CFAP36: variants seen among roughly 807,000 people sequenced by gnomAD.
The protein encoded by CFAP36 is cilia and flagella associated protein 36.
CFAP36 carries 37 observed loss-of-function variants against 50.5 expected under a neutral mutation model. The observed-to-expected ratio is 0.73, with a 90% CI of 0.56 to 0.96. CFAP36 has a LOEUF of 0.96. Ranked by LOEUF, CFAP36 falls within the 50% of genes least tolerant of loss-of-function variation. CFAP36 has a pLI of 0.00. For synonymous variants in CFAP36, 138 were observed against 128.2 expected (o/e 1.08, Z -0.52); for missense variants, 407 against 396.2 (o/e 1.03, Z -0.23).
chr2:55,527,980 G>A (rs1353511495), intron 3 of CFAP36, among the ~76,000 whole-genome samples: 1 of 151,766 alleles, frequency 6.6e-6, no homozygotes, highest in Non-Finnish European at 1.5e-5. Flanking sequence ...GACAAGCCTG[G>A]GCAACATGGT....
chr2:55,538,735 A>G (rs1032853800), intron 7 of CFAP36: 13 of 1,495,318 alleles, frequency 8.7e-6, no homozygotes, highest in Non-Finnish European at 1.2e-5. Context: ...GAGCCACTGT[A>G]CCCATCCCTT....
intron 5 of CFAP36, among the ~76,000 whole-genome samples, chr2:55,534,356 C>T (rs1029228100): frequency 2.0e-5 from 3 of 152,170 alleles, no homozygotes; most frequent in Non-Finnish European, 2.9e-5. Flanking sequence ...GGAGGCTGGG[C>T]ATCCAGATTC....
chr2:55,536,016 A>T, intron 6 of CFAP36: 1 of 627,850 alleles, frequency 1.6e-6, no homozygotes, highest in Non-Finnish European at 2.3e-6. Flanking sequence ...AATTAATCTT[A>T]CAGGACATGC....
intron 4 of CFAP36, among the ~76,000 whole-genome samples, chr2:55,532,085 C>G (rs1043397073): frequency 6.6e-6 from 1 of 152,038 alleles, no homozygotes; most frequent in Non-Finnish European, 1.5e-5. Flanking sequence ...CCAGTGCTTT[C>G]AGAGGCTGAG....
intron 7 of CFAP36, chr2:55,538,806 T>A: frequency 6.5e-7 from 1 of 1,543,510 alleles, no homozygotes; most frequent in Non-Finnish European, 8.7e-7. Flanking sequence ...ATCACCGAAC[T>A]CTTCAATGGT....
chr2:55,525,412 A>T (rs892788045), intron 3 of CFAP36, among the ~76,000 whole-genome samples: 2 of 151,952 alleles, frequency 1.3e-5, no homozygotes, highest in African/African-American at 4.8e-5. Flanking sequence ...AGACAAGATC[A>T]TGCCACTGTA....
chr2:55,540,433 GCTCT>G lies in CFAP36; in HGVS notation c.640+2851_640+2854del, dbSNP rs200745123. On this transcript the variant is annotated intron_variant, in intron 7 of 9. Transcript: ENST00000349456. ...TATATTTATGTGAGTTTATTTCTGG[GCTCT>G]CTATTATGTTCTGTTGATCTATTTC... Among the ~76,000 whole-genome samples the G allele has an allele frequency of 5.3e-3, 805 of 152,052 alleles. 4 individuals are homozygous for G. The highest frequency in any genetic ancestry group is 6.0e-3 in the Admixed American group (92 of 15,280).
chr2:55,523,647 C>A, intron 2 of CFAP36, 74 bp from the exon 3 acceptor site: 1 of 930,442 alleles, frequency 1.1e-6, no homozygotes, highest in Non-Finnish European at 1.6e-6. Context: ...CTTTTCTAAA[C>A]TAAATACTTA....
At chr2:55,531,037 C>A (rs1684339337) in intron 4 of CFAP36, 1 of 152,326 alleles carries the variant, frequency 6.6e-6, no homozygotes, top group South Asian at 2.1e-4. Flanking sequence ...CCATCATAAT[C>A]ATCTACTAGA....
chr2:55,525,632 C>CTTTTTTTTTTTTTTTTTTTT (rs35228412), intron 3 of CFAP36, among the ~76,000 whole-genome samples: 1 of 149,930 alleles, frequency 6.7e-6, no homozygotes. Flanking sequence ...AACTTGCTCT[C>CTTTTTTTTTTTTTTTTTTTT]TTTTTTTTTT....
At chr2:55,521,625 AT>A (rs1457052177) in intron 1 of CFAP36, among the ~76,000 whole-genome samples, 4 of 128,222 alleles carry the variant, frequency 3.1e-5, no homozygotes, top group Non-Finnish European at 3.3e-5. Context: ...GTGTGTGTAT[AT>A]TTTTTTTTCT....
rs139181208 is a variant in CFAP36 at position 55,532,107 on chromosome 2, G to A, written c.398-1766G>A. 5.3e-5 allele frequency among the ~76,000 whole-genome samples: 8 copies of A among 152,018 alleles called. No individual in the cohort carries two copies. The East Asian group carries it at 7.7e-4, about 15-fold the overall frequency. On this transcript the variant is annotated intron_variant, in intron 4 of 9. Coordinates refer to ENST00000349456, the MANE Select transcript of CFAP36 (RefSeq NM_080667.7). ...TTTCAGAGGCTGAGGCAGGAGGATC[G>A]CTTAAGCCCAGCCTCAGACTTCTGT... is the stretch of plus-strand genomic sequence containing the variant.
intron 4 of CFAP36, among the ~76,000 whole-genome samples, chr2:55,532,166 C>T (rs12999680): frequency 0.22 from 32,936 of 150,008 alleles, 3,700 homozygotes; most frequent in East Asian, 0.34. Context: ...AGTACCACTG[C>T]GTGCCAGCCT....
Position 55,537,534 on chromosome 2 carries a change from A to G in CFAP36, c.589A>G (p.Ile197Val), listed in dbSNP as rs1684520956. ...CACAGTGCATTCCAGTGAAGCTGCA[A>G]TAATGAATAATTCCCAAGGGGATGG... Reference protein sequence around the residue: ...EPTVHSSEAAIMNNSQGDGEH... With the variant: ...EPTVHSSEAAVMNNSQGDGEH... The change falls in exon 7 of 10, where the codon ATA becomes GTA. Residue 197 changes from isoleucine (I) to valine (V), a missense_variant. Physicochemically the swap from Ile to Val is conservative, Grantham distance 29 (BLOSUM62 3). Coordinates refer to ENST00000349456, the MANE Select transcript of CFAP36 (RefSeq NM_080667.7). 6.2e-7 allele frequency: 1 copy of G among 1,613,956 alleles called. No homozygotes were observed. Among genetic ancestry groups the G allele is most frequent in the South Asian group, 1.1e-5 (1 of 91,012 alleles).
intron 2 of CFAP36, among the ~76,000 whole-genome samples, chr2:55,523,334 G>C (rs1574611649): frequency 6.6e-6 from 1 of 151,818 alleles, no homozygotes; most frequent in South Asian, 2.1e-4. Flanking sequence ...AGAATTGCTT[G>C]AGCCTGGGAG....
intron 5 of CFAP36, among the ~76,000 whole-genome samples, chr2:55,534,571 C>T (rs1574621238): frequency 6.6e-6 from 1 of 152,274 alleles, no homozygotes; most frequent in East Asian, 1.9e-4. Context: ...TCTTTTGGGC[C>T]TGTTGTGCCC....
intron 8 of CFAP36, 66 bp from the exon 9 acceptor site, chr2:55,544,154 G>A (rs1243290075): frequency 1.1e-5 from 17 of 1,609,126 alleles, no homozygotes; most frequent in Non-Finnish European, 3.4e-6. Context: ...GAATCACTCA[G>A]TGGGCATCTG....
chr2:55,544,948 A>C lies in CFAP36; in HGVS notation c.969A>C (p.Gln323His). ...EKPEMTAEEK[Q>H]TLLKRRLLAE... ...CAGAAATGACAGCAGAGGAGAAGCA[A>C]ACATTACTAAAGAGGAGATTGCTTG... is the stretch of plus-strand genomic sequence containing the variant. The change falls in exon 10 of 10, where the codon CAA becomes CAC. Residue 323 changes from glutamine to histidine, a missense_variant. Coordinates refer to ENST00000349456, the MANE Select transcript of CFAP36 (RefSeq NM_080667.7). 1 of 1,607,390 alleles carries C rather than the reference A, an allele frequency of 6.2e-7. No homozygotes were observed. The highest frequency in any genetic ancestry group is 8.5e-7 in the Non-Finnish European group (1 of 1,178,134).
intron 3 of CFAP36, among the ~76,000 whole-genome samples, chr2:55,525,291 A>C (rs1418644794): frequency 6.6e-6 from 1 of 152,144 alleles, no homozygotes; most frequent in Non-Finnish European, 1.5e-5. Flanking sequence ...ATCTTTAAAA[A>C]AAATATAAAA....
Sources: allele counts gnomAD v4.1 joint callset (sites outside exome capture counted in the v4.1 genomes callset), GRCh38; gene constraint gnomAD v4.1.1; transcripts MANE v1.5; gene names NCBI Gene and HGNC (gene_info 2026-07-23, HGNC 2026-07-21).